The following USP31 variants were observed in gnomAD, a reference collection of about 807,000 sequenced individuals.
The protein encoded by USP31 is ubiquitin specific peptidase 31.
In USP31, 44 loss-of-function variants were observed where a neutral mutation model predicts 119.4. That is an observed-to-expected ratio of 0.37 (90% CI 0.29 to 0.47). The LOEUF (loss-of-function observed/expected upper bound fraction) is 0.47, where lower values mean the gene tolerates loss of function less well. Among genes scored for constraint, USP31 ranks in the 20% least tolerant of loss-of-function variants. The pLI, the probability that USP31 is intolerant of heterozygous loss-of-function variation, is 0.99. For synonymous variants in USP31, 749 were observed against 705.6 expected (o/e 1.06, Z -0.97); for missense variants, 1,643 against 1,730.2 (o/e 0.95, Z 0.89).
At chr16:23,142,150 A>G (rs1333414678) in intron 1 of USP31, among the ~76,000 whole-genome samples, 1 of 152,234 alleles carries the variant, frequency 6.6e-6, no homozygotes, top group Non-Finnish European at 1.5e-5. Flanking sequence ...GTTCATAATT[A>G]TCCCATGTAT....
chr16:23,068,518 A>G lies in USP31; in HGVS notation c.3587T>C (p.Val1196Ala). 6.2e-7 allele frequency: 1 copy of G among 1,613,782 alleles called. No homozygotes were observed. Among genetic ancestry groups the G allele is most frequent in the South Asian group, 1.1e-5 (1 of 91,048 alleles). Residue 1196 changes from valine (V) to alanine (A), a missense_variant, in exon 16 of 16, where the codon GTG (valine) becomes GCG (alanine). By Grantham distance (64) the Val-to-Ala change is moderately conservative. This residue lies in a region of USP31 where 699 missense variants were observed against 650.9 expected (regional missense o/e 1.07). Transcript: ENST00000219689. ...AGEGRGAGKH[V>A]RSSSMASLRS... is the part of the protein sequence containing the mutation. ...CAGGCTGGCCATGGAGGAGCTCCGCACGTGCTTCCCGGCCCCCCTGCCCTC... is the reference window on the plus strand; with the variant it reads ...CAGGCTGGCCATGGAGGAGCTCCGCGCGTGCTTCCCGGCCCCCCTGCCCTC...
chr16:23,105,548 C>T lies in USP31; in HGVS notation c.982G>A (p.Gly328Ser). 6.2e-7 allele frequency: 1 copy of T among 1,614,040 alleles called. No homozygotes were observed. The highest frequency in any genetic ancestry group is 8.5e-7 in the Non-Finnish European group (1 of 1,179,988). ...ATCCTCATGCAGTGAGAACATTTGCCTTGATACACTACAGTGACATAGAGA... is the reference window on the plus strand; with the variant it reads ...ATCCTCATGCAGTGAGAACATTTGCTTTGATACACTACAGTGACATAGAGA... ...RPLYVTVVYQ[G>S]KCSHCMRIGV... The change falls in exon 5 of 16, where the codon GGC becomes AGC. Residue 328 changes from glycine (G) to serine (S), a missense_variant. By Grantham distance (56) the Gly-to-Ser change is moderately conservative. This residue lies in a region of USP31 where 144 missense variants were observed against 218.0 expected (regional missense o/e 0.66). Transcript: ENST00000219689.
At chr16:23,084,055 G>A (rs745391892) in intron 11 of USP31, among the ~76,000 whole-genome samples, 65 of 152,244 alleles carry the variant, frequency 4.3e-4, no homozygotes, top group African/African-American at 1.3e-3. Flanking sequence ...TTAAGCAGAA[G>A]AAGAACCCAA....
chr16:23,068,302 T>C lies in USP31; in HGVS notation c.3803A>G (p.Asp1268Gly). ...CTGGTGGCCTCTCTCTGCCTCGTCG[T>C]CCCCGGTGTTCTTACAGACAGACTT... ...SVKSVCKNTG[D>G]DEAERGHQPP... Residue 1268 changes from aspartate to glycine, a missense_variant, in exon 16 of 16, where the codon GAC becomes GGC. Transcript: ENST00000219689. 1.2e-6 allele frequency: 2 copies of C among 1,613,876 alleles called. No homozygotes were observed. Among genetic ancestry groups the C allele is most frequent in the Non-Finnish European group, 1.7e-6 (2 of 1,179,822 alleles).
intron 1 of USP31, among the ~76,000 whole-genome samples, chr16:23,147,790 A>C (rs1903565059): frequency 6.6e-6 from 1 of 152,194 alleles, no homozygotes. Flanking sequence ...AATAAAAAAT[A>C]GGTAGGTATG....
intron 1 of USP31, chr16:23,115,708 G>A: frequency 1.1e-6 from 1 of 889,578 alleles, no homozygotes; most frequent in Non-Finnish European, 1.3e-6. Context: ...CCCCTCACTT[G>A]GGATGATCCT....
At chr16:23,140,808 T>C (rs187637234) in intron 1 of USP31, among the ~76,000 whole-genome samples, 2 of 152,316 alleles carry the variant, frequency 1.3e-5, no homozygotes, top group African/African-American at 4.8e-5. Context: ...AATCACCCAG[T>C]TGCTCAGGAA....
intron 1 of USP31, among the ~76,000 whole-genome samples, chr16:23,145,868 A>G (rs1903488745): frequency 6.6e-6 from 1 of 152,192 alleles, no homozygotes; most frequent in African/African-American, 2.4e-5. Flanking sequence ...TAACTGATTA[A>G]GTAAGCCTTC....
chr16:23,116,230 A>C (rs1438518922), intron 1 of USP31, among the ~76,000 whole-genome samples: 1 of 152,104 alleles, frequency 6.6e-6, no homozygotes, highest in Non-Finnish European at 1.5e-5. Flanking sequence ...AACAAAAAAA[A>C]CAGAAGAACT....
intron 2 of USP31, 40 bp downstream of exon 2, chr16:23,108,006 C>A (rs887817704): frequency 6.3e-7 from 1 of 1,579,522 alleles, no homozygotes; most frequent in Non-Finnish European, 8.6e-7. Context: ...TACACACTCT[C>A]ATGGCTGGCT....
chr16:23,115,910 G>C (rs974266782), intron 1 of USP31: 18 of 518,446 alleles, frequency 3.5e-5, no homozygotes, highest in Non-Finnish European at 4.2e-5. Context: ...TCTTCCTGTA[G>C]AGCCCTAGTA....
At chr16:23,140,153 G>C (rs890506978) in intron 1 of USP31, among the ~76,000 whole-genome samples, 1 of 152,106 alleles carries the variant, frequency 6.6e-6, no homozygotes, top group African/African-American at 2.4e-5. Flanking sequence ...AGGCTCAATT[G>C]AATCACTACT....
chr16:23,075,589 G>T (rs1383041008), intron 13 of USP31, among the ~76,000 whole-genome samples: 1 of 152,076 alleles, frequency 6.6e-6, no homozygotes, highest in Non-Finnish European at 1.5e-5. Flanking sequence ...AACTTTTATA[G>T]CAATCTGATA....
At chr16:23,141,782 A>AT (rs1018836496) in intron 1 of USP31, among the ~76,000 whole-genome samples, 6 of 152,190 alleles carry the variant, frequency 3.9e-5, no homozygotes, top group Non-Finnish European at 7.3e-5. Flanking sequence ...GCCTTTTACA[A>AT]TTTTTTTACC....
Position 23,127,785 on chromosome 16 carries a change from C to T in USP31, c.634-19602G>A, listed in dbSNP as rs578107781. Among the ~76,000 whole-genome samples, 8 of 152,020 alleles carry T rather than the reference C, an allele frequency of 5.3e-5. No homozygotes were observed. In the East Asian group the frequency reaches 1.4e-3, roughly 26 times the overall value. On this transcript the variant is annotated intron_variant, in intron 1 of 15. Coordinates refer to ENST00000219689, the MANE Select transcript of USP31 (RefSeq NM_020718.4). ...GAGCCAACGCGCCTGGCCGAAACAA[C>T]TAATATTAACTATATATCCAGTGAT...
chr16:23,081,334 A>G (rs1308654010), intron 12 of USP31, among the ~76,000 whole-genome samples: 1 of 152,176 alleles, frequency 6.6e-6, no homozygotes, highest in East Asian at 1.9e-4. Flanking sequence ...CCAACGGAAT[A>G]CACAGTGGGT....
intron 6 of USP31, among the ~76,000 whole-genome samples, chr16:23,101,306 T>C (rs1901845325): frequency 1.3e-5 from 2 of 151,944 alleles, no homozygotes; most frequent in African/African-American, 4.8e-5. Context: ...CCAGTTTGAG[T>C]GAAGAGGAGG....
rs549074439 is a variant in USP31 at position 23,069,301 on chromosome 16, T to C, written c.2804A>G (p.Lys935Arg). 6 of 1,609,648 alleles carry C rather than the reference T, an allele frequency of 3.7e-6. No individual in the cohort carries two copies. In the African/African-American group the frequency reaches 5.3e-5, roughly 14 times the overall value. Residue 935 changes from lysine (K) to arginine (R), a missense_variant, in exon 16 of 16, where the codon AAG becomes AGG. Around this residue, in one of 5 missense-constraint regions of USP31, gnomAD observed 699 missense variants for 650.9 expected, o/e 1.07. Transcript: ENST00000219689. ...AGCCAGAGGGGCCCGGCCCACAGCC[T>C]TGTGCTCACGGCGACTATGACTGTC... ...PSDSHSRREH[K>R]AVGRAPLAVM...
Position 23,067,893 on chromosome 16 carries a change from A to T in USP31, c.*153T>A. 3 of 970,536 alleles carry T rather than the reference A, an allele frequency of 3.1e-6. No individual in the cohort carries two copies. The highest frequency in any genetic ancestry group is 2.9e-6 in the Non-Finnish European group (2 of 683,636). 60.1% of individuals were successfully genotyped at this position (970,536 alleles called of 1,614,324 possible). ...GCTTTGAACAATTTGCAATTGAATT[A>T]GACACACACACGCATACACTCACAC... On this transcript the variant is annotated 3_prime_UTR_variant, in exon 16 of 16. Transcript: ENST00000219689.
Sources: gnomAD v4.1 joint callset for allele counts (sites outside exome capture counted in the v4.1 genomes callset) on GRCh38, gnomAD v4.1.1 for gene constraint, gnomAD v4.1.1 regional missense constraint, MANE v1.5 for transcripts, NCBI Gene and HGNC (gene_info 2026-07-23, HGNC 2026-07-21) for gene names.